Variants in NRXN1 observed in about 807,000 individuals in gnomAD.
The protein encoded by NRXN1 is neurexin 1.
NRXN1 carries 39 observed loss-of-function variants against 150.9 expected under a neutral mutation model. The observed-to-expected ratio is 0.26, with a 90% CI of 0.20 to 0.34. The LOEUF is 0.34. Among genes scored for constraint, NRXN1 ranks in the 10% least tolerant of loss-of-function variants. NRXN1 has a pLI of 1.00. For missense variants in NRXN1, 1,815 were observed against 1,949.9 expected, an observed-to-expected ratio of 0.93 and a Z score of 1.30; for synonymous variants, 924 against 757.0, an observed-to-expected ratio of 1.22 and a Z score of -3.62.
In NRXN1 at chr2:51,028,075, C is replaced by T. The variant is rs201964958; in HGVS notation, c.199G>A (p.Val67Met). The change falls in exon 2 of 23, where the codon GTG becomes ATG. Residue 67 changes from valine to methionine, a missense_variant. By Grantham distance (21) the Val-to-Met change is conservative. This residue lies in a region of NRXN1 where 554 missense variants were observed against 478.8 expected (regional missense o/e 1.16). Transcript: ENST00000401669. ...QLKTRSARGL[V>M]LYFDDEGFCD... is the part of the protein sequence containing the mutation. ...AAGCCCTCGTCGTCGAAGTAGAGCA[C>T]GAGGCCGCGGGCGCTGCGAGTCTTG... The T allele has an allele frequency of 1.9e-6, 3 of 1,593,150 alleles. No individual in the cohort carries two copies. The highest frequency in any genetic ancestry group is 1.7e-6 in the Non-Finnish European group (2 of 1,173,468).
chr2:50,312,749 CAT>C (rs2075282243), intron 17 of NRXN1: 1 of 516,972 alleles, frequency 1.9e-6, no homozygotes, highest in Non-Finnish European at 3.9e-6. Context: ...AAGCCAAATA[CAT>C]ATGTTGCAAT....
At chr2:50,638,735 C>T (rs2104460479) in intron 5 of NRXN1, among the ~76,000 whole-genome samples, 1 of 152,238 alleles carries the variant, frequency 6.6e-6, no homozygotes, top group Admixed American at 6.5e-5. Context: ...AGATCATTTT[C>T]CTTGACAGTA....
At chr2:50,026,556 T>C (rs13013447) in intron 21 of NRXN1, among the ~76,000 whole-genome samples, 110,624 of 152,034 alleles carry the variant, frequency 0.73, 40,527 homozygotes, top group African/African-American at 0.79. Flanking sequence ...TGTCTCTCAA[T>C]GAGTTCAGTT....
At chr2:50,775,164 C>T (rs1328034274) in intron 5 of NRXN1, among the ~76,000 whole-genome samples, 3 of 152,096 alleles carry the variant, frequency 2.0e-5, no homozygotes, top group Non-Finnish European at 4.4e-5. Flanking sequence ...ATCTCCTATC[C>T]TGCATTTCAA....
At chr2:50,538,775 G>T in intron 9 of NRXN1, 139 bp from the exon 10 acceptor site, 1 of 635,048 alleles carries the variant, frequency 1.6e-6, no homozygotes, top group South Asian at 6.7e-5. Flanking sequence ...TCACTTTTTG[G>T]TATTTCCTAG....
chr2:50,785,289 C>T (rs949301483), intron 5 of NRXN1, among the ~76,000 whole-genome samples: 6 of 145,196 alleles, frequency 4.1e-5, no homozygotes, highest in Non-Finnish European at 9.0e-5. Context: ...CATTCTGTCG[C>T]CCCCGCTGGA....
At chr2:50,169,035 C>A (rs1260095913) in intron 18 of NRXN1, among the ~76,000 whole-genome samples, 1 of 152,156 alleles carries the variant, frequency 6.6e-6, no homozygotes, top group Non-Finnish European at 1.5e-5. Context: ...GAAGCAGAAG[C>A]AAACGTATCA....
chr2:51,020,802 T>C (rs577737269), intron 2 of NRXN1, among the ~76,000 whole-genome samples: 1 of 152,114 alleles, frequency 6.6e-6, no homozygotes, highest in African/African-American at 2.4e-5. Context: ...TTCCAAACCA[T>C]GTTCTGTTTA....
intron 22 of NRXN1, among the ~76,000 whole-genome samples, chr2:49,936,569 A>G (rs922713710): frequency 2.6e-5 from 4 of 152,144 alleles, no homozygotes; most frequent in African/African-American, 9.7e-5. Context: ...TACTAAGTAA[A>G]TTTCCCAAGA....
chr2:51,027,602 C>T lies in NRXN1; in HGVS notation c.672G>A (p.Glu224=), dbSNP rs1011679353. The T allele has an allele frequency of 6.3e-7, 1 of 1,591,840 alleles. No individual in the cohort carries two copies. The highest frequency in any genetic ancestry group is 8.6e-7 in the Non-Finnish European group (1 of 1,169,448). The change falls in exon 2 of 23, where the codon GAG becomes GAA. Residue 224 remains glutamate (E), a synonymous_variant. Transcript: ENST00000401669. The stretch of plus-strand genomic sequence containing the variant: ...CACCTCCGTTGAGGCACACCCCGCC[C>T]TCGCCCTCCTCGCCCGCCTCGCACG... The part of the protein sequence containing the change: ...GSPCEAGEEG[E]GGVCLNGGVC...
At chr2:50,984,847 T>C (rs1697436302) in intron 2 of NRXN1, among the ~76,000 whole-genome samples, 1 of 152,070 alleles carries the variant, frequency 6.6e-6, no homozygotes, top group African/African-American at 2.4e-5. Flanking sequence ...GTAATTAGTT[T>C]GTATTTACCC....
intron 18 of NRXN1, among the ~76,000 whole-genome samples, chr2:50,103,712 G>GTTA (rs1207695454): frequency 4.6e-5 from 7 of 152,116 alleles, no homozygotes; most frequent in African/African-American, 1.4e-4. Context: ...CTTCTCCAGA[G>GTTA]CAGTAACCAC....
At chr2:50,597,544 G>C (rs898981433) in intron 8 of NRXN1, among the ~76,000 whole-genome samples, 2 of 151,966 alleles carry the variant, frequency 1.3e-5, no homozygotes, top group African/African-American at 4.8e-5. Flanking sequence ...GATGGTTCTG[G>C]TTTTCTCCCA....
At position 50,270,075 on chromosome 2, in the gene NRXN1, C is replaced by T. The variant is rs569886035; in HGVS notation, c.3365-33105G>A. Among the ~76,000 whole-genome samples the T allele has an allele frequency of 4.6e-5, 7 of 152,126 alleles. No individual in the cohort carries two copies. The South Asian group carries it at 1.4e-3, about 31-fold the overall frequency. On this transcript the variant is annotated intron_variant, in intron 17 of 22. Coordinates refer to ENST00000401669, the MANE Select transcript of NRXN1 (RefSeq NM_001330078.2). ...GACCAAAGTCTCACAGAACTTCCCC[C>T]ATTATGTGTTGAAGGAAATTTGTAT...
chr2:50,538,125 T>A, intron 10 of NRXN1, 128 bp downstream of exon 10: 1 of 1,047,714 alleles, frequency 9.5e-7, no homozygotes, highest in Non-Finnish European at 1.3e-6. Context: ...GTATGGCTGC[T>A]CAGCTTGCAA....
intron 21 of NRXN1, among the ~76,000 whole-genome samples, chr2:49,952,148 T>C (rs1336731797): frequency 6.6e-6 from 1 of 152,062 alleles, no homozygotes; most frequent in Admixed American, 6.6e-5. Flanking sequence ...GATTATGTTT[T>C]TCTATTATCC....
At chr2:50,503,108 G>T (rs963853894) in intron 13 of NRXN1, among the ~76,000 whole-genome samples, 1 of 152,058 alleles carries the variant, frequency 6.6e-6, no homozygotes, top group Admixed American at 6.6e-5. Flanking sequence ...AAGAATTCAA[G>T]ACAAGCCTGG....
chr2:50,798,353 C>CT (rs1559278213), intron 5 of NRXN1, among the ~76,000 whole-genome samples: 2 of 152,028 alleles, frequency 1.3e-5, no homozygotes, highest in Admixed American at 6.6e-5. Flanking sequence ...CCAGAAATTG[C>CT]TTTTTAAGTC....
chr2:50,165,659 G>A (rs1223597033), intron 18 of NRXN1, among the ~76,000 whole-genome samples: 1 of 152,086 alleles, frequency 6.6e-6, no homozygotes, highest in Non-Finnish European at 1.5e-5. Flanking sequence ...AGCCAGCACT[G>A]TCAACTCATT....
Sources: gnomAD v4.1 joint callset for allele counts (sites outside exome capture counted in the v4.1 genomes callset) on GRCh38, gnomAD v4.1.1 for gene constraint, gnomAD v4.1.1 regional missense constraint, MANE v1.5 for transcripts, NCBI Gene and HGNC (gene_info 2026-07-23, HGNC 2026-07-21) for gene names.